Variants in PDE11A observed in about 807,000 individuals in gnomAD.
PDE11A encodes the protein phosphodiesterase 11A.
A neutral mutation model predicts 100.5 loss-of-function variants in PDE11A; 100 were observed. That is an observed-to-expected ratio of 1.00 (90% CI 0.85 to 1.18). The LOEUF is 1.18. Among genes scored for constraint, PDE11A ranks in the 50% most tolerant of loss-of-function variants. The pLI, the probability that PDE11A is intolerant of heterozygous loss-of-function variation, is 0.00. For missense variants in PDE11A, 1,141 were observed against 1,152.6 expected (o/e 0.99, Z 0.15); for synonymous variants, 381 against 420.8 (o/e 0.91, Z 1.16).
At chr2:177,901,737 A>C (rs1157115618) in intron 3 of PDE11A, among the ~76,000 whole-genome samples, 1 of 152,172 alleles carries the variant, frequency 6.6e-6, no homozygotes. Flanking sequence ...ATTACAAGCA[A>C]AAAGCCCTGT....
chr2:177,698,392 T>C (rs2081147982), intron 14 of PDE11A: 1 of 152,152 alleles, frequency 6.6e-6, no homozygotes, highest in Non-Finnish European at 1.5e-5. Context: ...ACAATTCACT[T>C]AGTTTGTTTT....
intron 6 of PDE11A, among the ~76,000 whole-genome samples, chr2:177,829,086 G>A (rs1480021460): frequency 6.6e-6 from 1 of 151,996 alleles, no homozygotes; most frequent in Non-Finnish European, 1.5e-5. Flanking sequence ...ATGAATTCAT[G>A]TTCAACATCA....
chr2:177,633,369 C>T (rs890843220), intron 19 of PDE11A, among the ~76,000 whole-genome samples: 23 of 152,306 alleles, frequency 1.5e-4, no homozygotes, highest in African/African-American at 5.5e-4. Context: ...CTGCAAACCA[C>T]CTGTTAGTAA....
chr2:177,968,162 GACAAACAA>G (rs1009953180), intron 2 of PDE11A, among the ~76,000 whole-genome samples: 1 of 152,016 alleles, frequency 6.6e-6, no homozygotes, highest in Non-Finnish European at 1.5e-5. Context: ...AGGTAACAAA[GACAAACAA>G]ACAAACAAAC....
chr2:177,795,934 A>AATATATATATATATAT (rs1558942848), intron 9 of PDE11A, among the ~76,000 whole-genome samples: 8 of 35,386 alleles, frequency 2.3e-4, no homozygotes, highest in South Asian at 2.8e-3. Context: ...TTTTGTTTAA[A>AATATATATATATATAT]CTATATATAT....
intron 1 of PDE11A, among the ~76,000 whole-genome samples, chr2:178,015,767 G>C (rs770449889): frequency 6.6e-6 from 1 of 152,082 alleles, no homozygotes; most frequent in Admixed American, 6.6e-5. Context: ...GGAGAGAAGG[G>C]AAGGAGAGAG....
chr2:178,072,390 G>A lies in PDE11A; in HGVS notation c.48C>T (p.Asp16=). The change falls in exon 1 of 20, where the codon GAC becomes GAT. Residue 16 remains aspartate, a synonymous_variant. Coordinates refer to ENST00000286063, the MANE Select transcript of PDE11A (RefSeq NM_016953.4). ...LDFGEVETFL[D]RHPELFEDYL... is the part of the protein sequence containing the mutation. ...AATCTTCAAACAACTCTGGGTGCCTGTCCAGGAAAGTTTCCACCTCCCCAA... is the reference window on the plus strand; with the variant it reads ...AATCTTCAAACAACTCTGGGTGCCTATCCAGGAAAGTTTCCACCTCCCCAA... The A allele has an allele frequency of 1.9e-6, 3 of 1,613,764 alleles. No individual in the cohort carries two copies. Among genetic ancestry groups the A allele is most frequent in the Non-Finnish European group, 2.5e-6 (3 of 1,180,034 alleles).
intron 5 of PDE11A, among the ~76,000 whole-genome samples, chr2:177,849,706 C>A (rs1048175537): frequency 6.6e-6 from 1 of 151,150 alleles, no homozygotes; most frequent in Non-Finnish European, 1.5e-5. Context: ...AGGAGAATGG[C>A]GTGAACCCGG....
At chr2:177,993,600 C>T (rs1032987085) in intron 2 of PDE11A, among the ~76,000 whole-genome samples, 48 of 152,082 alleles carry the variant, frequency 3.2e-4, no homozygotes, top group African/African-American at 1.1e-3. Flanking sequence ...ATTGCATTTC[C>T]TATTGATTGT....
Position 177,830,849 on chromosome 2 carries a change from A to T in PDE11A, c.1500+9402T>A, listed in dbSNP as rs534571343. 2.0e-5 allele frequency among the ~76,000 whole-genome samples: 3 copies of T among 152,080 alleles called. No homozygotes were observed. The South Asian group carries it at 6.2e-4, about 32-fold the overall frequency. On this transcript the variant is annotated intron_variant, in intron 6 of 19. Transcript: ENST00000286063. Reference sequence around the variant, plus strand: ...GTTTCTTGTACTACTATAAATAAATATAATATTATATTGAGTAGGTCTTTT... The same window carrying T: ...GTTTCTTGTACTACTATAAATAAATTTAATATTATATTGAGTAGGTCTTTT...
At position 177,632,806 on chromosome 2, in the gene PDE11A, C is replaced by T. The variant is rs188115920; in HGVS notation, c.2647-3244G>A. Among the ~76,000 whole-genome samples the T allele has an allele frequency of 7.8e-4, 119 of 152,286 alleles. 2 individuals carry two copies. The highest frequency in any genetic ancestry group is 2.8e-3 in the African/African-American group (116 of 41,564). On this transcript the variant is annotated intron_variant, in intron 19 of 19. Coordinates refer to ENST00000286063, the MANE Select transcript of PDE11A (RefSeq NM_016953.4). The stretch of plus-strand genomic sequence containing the variant: ...AGGTTGTCATAGGGGAAGTGACTTA[C>T]CCACTGACTTACTCTTACATACTCC...
chr2:178,079,275 C>T (rs1049157229), intron 2 of PDE11A, among the ~76,000 whole-genome samples: 3 of 152,086 alleles, frequency 2.0e-5, no homozygotes, highest in East Asian at 1.9e-4. Context: ...AGCTATTTTT[C>T]GGGCTGCTCT....
At chr2:177,800,669 G>A (rs929302549) in intron 9 of PDE11A, among the ~76,000 whole-genome samples, 1 of 152,106 alleles carries the variant, frequency 6.6e-6, no homozygotes, top group African/African-American at 2.4e-5. Context: ...GCACATAATG[G>A]TGAACCAGAC....
At chr2:177,657,961 A>C (rs1386590004) in intron 19 of PDE11A, among the ~76,000 whole-genome samples, 2 of 152,154 alleles carry the variant, frequency 1.3e-5, no homozygotes, top group African/African-American at 4.8e-5. Flanking sequence ...CTGGCCAGGA[A>C]GCTGCTGGGG....
chr2:178,055,348 G>A (rs2105861029), intron 1 of PDE11A, among the ~76,000 whole-genome samples: 1 of 151,434 alleles, frequency 6.6e-6, no homozygotes, highest in Middle Eastern at 3.4e-3. Context: ...GGCCTGTCAT[G>A]GGGTGGGGGG....
chr2:177,734,838 T>C (rs765155561), intron 10 of PDE11A, among the ~76,000 whole-genome samples: 7 of 152,196 alleles, frequency 4.6e-5, no homozygotes, highest in Non-Finnish European at 7.3e-5. Context: ...GGTGTGTTGT[T>C]GTTATGCTCA....
At chr2:177,909,666 G>A (rs1191556270) in intron 2 of PDE11A, among the ~76,000 whole-genome samples, 1 of 152,132 alleles carries the variant, frequency 6.6e-6, no homozygotes, top group African/African-American at 2.4e-5. Flanking sequence ...TTACCCACAT[G>A]TGTACCAGTT....
chr2:177,639,744 T>G (rs1430547537), intron 19 of PDE11A, among the ~76,000 whole-genome samples: 1 of 152,196 alleles, frequency 6.6e-6, no homozygotes, highest in East Asian at 1.9e-4. Flanking sequence ...TTGTGCTTAT[T>G]AGTTGACCAC....
chr2:177,794,766 TTTTG>T (rs34096798), intron 9 of PDE11A, among the ~76,000 whole-genome samples: 7,141 of 72,458 alleles, frequency 0.099, 184 homozygotes, highest in Non-Finnish European at 0.12. Flanking sequence ...GGTGTCTGGT[TTTTG>T]TTTGTTTGTT....
Sources: gnomAD v4.1 joint callset for allele counts (sites outside exome capture counted in the v4.1 genomes callset) on GRCh38, gnomAD v4.1.1 for gene constraint, MANE v1.5 for transcripts, NCBI Gene and HGNC (gene_info 2026-07-23, HGNC 2026-07-21) for gene names.